FILIP1L: variants seen among roughly 807,000 people sequenced by gnomAD.
FILIP1L encodes filamin A interacting protein 1 like, also known as filamin A-interacting protein 1-like.
In FILIP1L, 55 loss-of-function variants were observed where a neutral mutation model predicts 96.6. The observed-to-expected ratio is 0.57, with a 90% CI of 0.46 to 0.71. FILIP1L has a LOEUF of 0.71. Ranked by LOEUF, FILIP1L falls within the 30% of genes least tolerant of loss-of-function variation. The probability of loss-of-function intolerance (pLI) is 0.00; values close to 1 mark genes in which losing one functional copy is unlikely to be tolerated. For missense variants in FILIP1L, 1,304 were observed against 1,321.2 expected (o/e 0.99, Z 0.20); for synonymous variants, 467 against 473.9 (o/e 0.99, Z 0.19).
intron 1 of FILIP1L, among the ~76,000 whole-genome samples, chr3:100,004,614 G>C (rs558461496): frequency 6.6e-6 from 1 of 152,270 alleles, no homozygotes; most frequent in South Asian, 2.1e-4. Flanking sequence ...TCATCATCAG[G>C]ACAGAGTAGC....
intron 4 of FILIP1L, chr3:99,898,379 A>G (rs1706327443): frequency 6.6e-6 from 1 of 152,212 alleles, no homozygotes; most frequent in African/African-American, 2.4e-5. Flanking sequence ...TCCATTATAA[A>G]TAGAAACCTG....
chr3:100,008,928 C>G (rs1710065890), intron 1 of FILIP1L, among the ~76,000 whole-genome samples: 1 of 152,200 alleles, frequency 6.6e-6, no homozygotes, highest in African/African-American at 2.4e-5. Flanking sequence ...AAACTTGGAA[C>G]ACCTATAAAT....
At position 100,076,590 on chromosome 3, in the gene FILIP1L, G is replaced by A. The variant is rs151033550; in HGVS notation, c.-11+37463C>T. Among the ~76,000 whole-genome samples, 675 of 152,280 alleles carry A rather than the reference G, an allele frequency of 4.4e-3. 7 individuals carry two copies. Among genetic ancestry groups the A allele is most frequent in the African/African-American group, 0.016 (661 of 41,542 alleles). ...CATCCCCACTGAATGTCAGTCTTCT[G>A]AGTTATTTTTTCCTGGATACTTGTA... On this transcript the variant is annotated intron_variant, in intron 1 of 5. Transcript: ENST00000477258.
intron 1 of FILIP1L, among the ~76,000 whole-genome samples, chr3:100,062,251 A>G (rs1030786680): frequency 1.3e-5 from 2 of 151,408 alleles, no homozygotes; most frequent in African/African-American, 4.9e-5. Context: ...AGCTGGGACT[A>G]CAGGCGCTCG....
chr3:99,873,654 C>T (rs184812539), intron 4 of FILIP1L, among the ~76,000 whole-genome samples: 4 of 152,184 alleles, frequency 2.6e-5, no homozygotes, highest in African/African-American at 7.2e-5. Context: ...CCATTTATTA[C>T]CAAAGGCACT....
At chr3:100,110,344 A>AT (rs1294061064) in intron 1 of FILIP1L, among the ~76,000 whole-genome samples, 2 of 151,960 alleles carry the variant, frequency 1.3e-5, no homozygotes, top group African/African-American at 2.4e-5. Context: ...CTGCCTCTGT[A>AT]TTTTTTTGTT....
intron 1 of FILIP1L, among the ~76,000 whole-genome samples, chr3:100,085,184 G>A (rs2065988431): frequency 6.6e-6 from 1 of 152,170 alleles, no homozygotes; most frequent in African/African-American, 2.4e-5. Context: ...TGTTTTAAAA[G>A]TATCTAAGGT....
At chr3:100,047,830 G>GA (rs933079847) in intron 1 of FILIP1L, among the ~76,000 whole-genome samples, 31 of 147,020 alleles carry the variant, frequency 2.1e-4, no homozygotes, top group African/African-American at 6.5e-4. Flanking sequence ...GAAGGCATTT[G>GA]AAAAAAAAAA....
chr3:99,941,359 T>C (rs1707845848), intron 1 of FILIP1L, among the ~76,000 whole-genome samples: 1 of 152,184 alleles, frequency 6.6e-6, no homozygotes. Flanking sequence ...CACAAAGTGT[T>C]TTGGAAGGAT....
intron 1 of FILIP1L, among the ~76,000 whole-genome samples, chr3:100,091,154 G>A (rs546884492): frequency 5.9e-5 from 9 of 151,264 alleles, no homozygotes; most frequent in Admixed American, 2.6e-4. Context: ...GCATGGTGGC[G>A]GGCACCTGTA....
intron 1 of FILIP1L, among the ~76,000 whole-genome samples, chr3:99,994,880 A>G (rs1283451472): frequency 8.5e-5 from 13 of 152,244 alleles, no homozygotes; most frequent in Admixed American, 3.3e-4. Flanking sequence ...TGCCTTCATG[A>G]TTCAAATTAT....
chr3:99,921,873 C>T (rs1381695439), intron 4 of FILIP1L, among the ~76,000 whole-genome samples: 1 of 152,182 alleles, frequency 6.6e-6, no homozygotes, highest in Non-Finnish European at 1.5e-5. Context: ...TTTATCCCCA[C>T]TGATCTTTTG....
intron 1 of FILIP1L, among the ~76,000 whole-genome samples, chr3:100,001,335 G>A (rs1327018180): frequency 6.6e-6 from 1 of 152,190 alleles, no homozygotes; most frequent in African/African-American, 2.4e-5. Context: ...GTGACGCAGT[G>A]TCAGAGGTGA....
chr3:100,046,052 G>A (rs1368218022), intron 1 of FILIP1L, among the ~76,000 whole-genome samples: 3 of 152,194 alleles, frequency 2.0e-5, no homozygotes, highest in Non-Finnish European at 4.4e-5. Flanking sequence ...TTTAAGGAAA[G>A]GGTATGGAGA....
chr3:99,858,902 A>G (rs569921786), intron 4 of FILIP1L, among the ~76,000 whole-genome samples: 7 of 152,346 alleles, frequency 4.6e-5, no homozygotes, highest in African/African-American at 1.7e-4. Flanking sequence ...TTCTTCTGTC[A>G]GCCTTTTGCT....
chr3:99,904,569 C>T (rs935517079), intron 4 of FILIP1L, among the ~76,000 whole-genome samples: 3 of 152,172 alleles, frequency 2.0e-5, no homozygotes, highest in Admixed American at 6.5e-5. Context: ...TTATTTCAAA[C>T]ATAGTAAGCC....
At chr3:100,041,263 C>A (rs1287640398) in intron 1 of FILIP1L, 2 of 152,134 alleles carry the variant, frequency 1.3e-5, no homozygotes, top group Admixed American at 6.5e-5. Context: ...TTGAGAATGG[C>A]TTTTTATGGC....
At chr3:99,991,743 C>T (rs1001264019) in intron 1 of FILIP1L, among the ~76,000 whole-genome samples, 26 of 151,842 alleles carry the variant, frequency 1.7e-4, no homozygotes, top group African/African-American at 6.0e-4. Context: ...GGATAATGGC[C>T]TCCAGTTCCA....
At chr3:100,015,127 C>T (rs1710303654) in intron 1 of FILIP1L, among the ~76,000 whole-genome samples, 1 of 151,670 alleles carries the variant, frequency 6.6e-6, no homozygotes, top group African/African-American at 2.4e-5. Context: ...CCAGTTTTCC[C>T]TGCACCATTT....
Sources: allele counts gnomAD v4.1 joint callset (sites outside exome capture counted in the v4.1 genomes callset), GRCh38; gene constraint gnomAD v4.1.1; transcripts MANE v1.5; gene names NCBI Gene and HGNC (gene_info 2026-07-23, HGNC 2026-07-21).